Variants in ADGRV1 observed in about 807,000 individuals in gnomAD.
ADGRV1 encodes adhesion G protein-coupled receptor V1, also known as G-protein coupled receptor 98.
Under a neutral mutation model 596.2 loss-of-function variants are expected in ADGRV1, and 359 were observed. The observed-to-expected ratio is 0.60, with a 90% CI of 0.55 to 0.66. The LOEUF (loss-of-function observed/expected upper bound fraction) is 0.66, where lower values mean the gene tolerates loss of function less well. ADGRV1 is among the 30% of genes least tolerant of loss of function. The pLI is 0.00. For missense variants in ADGRV1, 7,274 were observed against 7,575.6 expected (o/e 0.96, Z 1.48); for synonymous variants, 2,681 against 2,679.2 (o/e 1.00, Z -0.02).
chr5:90,984,024 T>G (rs781119232), intron 84 of ADGRV1, among the ~76,000 whole-genome samples: 77 of 152,314 alleles, frequency 5.1e-4, no homozygotes, highest in Non-Finnish European at 8.7e-4. Flanking sequence ...ATAAGAGATT[T>G]AAGAAGAGGC....
intron 1 of ADGRV1, among the ~76,000 whole-genome samples, chr5:90,570,596 T>A (rs1037329599): frequency 6.6e-6 from 1 of 152,140 alleles, no homozygotes; most frequent in African/African-American, 2.4e-5. Flanking sequence ...TATAGGACTC[T>A]GAGGCTCTGT....
intron 76 of ADGRV1, among the ~76,000 whole-genome samples, chr5:90,828,430 T>C (rs1764245195): frequency 6.6e-6 from 1 of 151,994 alleles, no homozygotes; most frequent in South Asian, 2.1e-4. Flanking sequence ...GCTGTCAGGG[T>C]GTGGTAGTTA....
intron 86 of ADGRV1, among the ~76,000 whole-genome samples, chr5:91,074,896 T>C (rs530739744): frequency 6.6e-6 from 1 of 152,310 alleles, no homozygotes; most frequent in African/African-American, 2.4e-5. Context: ...TGGTATCTCA[T>C]TGTGGTTTTG....
chr5:90,751,789 G>A (rs1322139877), intron 53 of ADGRV1, among the ~76,000 whole-genome samples: 2 of 152,102 alleles, frequency 1.3e-5, no homozygotes, highest in Non-Finnish European at 2.9e-5. Flanking sequence ...TATTTCAAAC[G>A]TGATTGGAGC....
At chr5:90,869,456 G>T (rs545848176) in intron 83 of ADGRV1, among the ~76,000 whole-genome samples, 1 of 152,204 alleles carries the variant, frequency 6.6e-6, no homozygotes, top group Non-Finnish European at 1.5e-5. Context: ...TATTTTTAAG[G>T]ATTGATCTGG....
chr5:91,034,101 T>A (rs1426433513), intron 85 of ADGRV1, among the ~76,000 whole-genome samples: 2 of 152,284 alleles, frequency 1.3e-5, no homozygotes, highest in East Asian at 3.9e-4. Flanking sequence ...TACTAAATTT[T>A]AAAAAATTTA....
intron 41 of ADGRV1, among the ~76,000 whole-genome samples, chr5:90,711,822 G>A (rs954863461): frequency 1.3e-5 from 2 of 152,054 alleles, no homozygotes; most frequent in Non-Finnish European, 1.5e-5. Flanking sequence ...TCTCACTCAG[G>A]TTGGAGTGCA....
Position 90,756,491 on chromosome 5 carries a change from C to T in ADGRV1, c.11618C>T (p.Thr3873Ile), listed in dbSNP as rs1755845158. ...GAATTGGAGGAAGGATTTATTGTCA[C>T]TATCACTGAGGTGAACCTGGTGAAC... ...LPELEEGFIV[T>I]ITEVNLVNSD... The change falls in exon 56 of 90, where the codon ACT (threonine) becomes ATT (isoleucine). Residue 3873 changes from threonine to isoleucine, a missense_variant. Physicochemically the swap from Thr to Ile is moderately conservative, Grantham distance 89. Around this residue, in one of 5 missense-constraint regions of ADGRV1, gnomAD observed 3,643 missense variants for 3,809.2 expected, o/e 0.96. Coordinates refer to ENST00000405460, the MANE Select transcript of ADGRV1 (RefSeq NM_032119.4). 1 of 1,597,144 alleles carries T rather than the reference C, an allele frequency of 6.3e-7. No homozygotes were observed. Among genetic ancestry groups the T allele is most frequent in the Non-Finnish European group, 8.5e-7 (1 of 1,171,766 alleles).
chr5:90,918,811 C>T (rs1219375139), intron 83 of ADGRV1, among the ~76,000 whole-genome samples: 1 of 152,068 alleles, frequency 6.6e-6, no homozygotes, highest in African/African-American at 2.4e-5. Flanking sequence ...CCAAGGCCTC[C>T]CTCTCTTTAC....
intron 83 of ADGRV1, among the ~76,000 whole-genome samples, chr5:90,901,034 A>G (rs563521360): frequency 1.3e-5 from 2 of 152,150 alleles, no homozygotes; most frequent in South Asian, 2.1e-4. Flanking sequence ...AGTCTCCCTC[A>G]TTCTTAAAAA....
At position 90,855,852 on chromosome 5, in the gene ADGRV1, G is replaced by T. The variant is rs984013313; in HGVS notation, c.17706G>T (p.Leu5902Phe). The change falls in exon 82 of 90, where the codon TTG (leucine) becomes TTT (phenylalanine). Residue 5902 changes from leucine to phenylalanine, a missense_variant. Physicochemically the swap from Leu to Phe is conservative, Grantham distance 22. Coordinates refer to ENST00000405460, the MANE Select transcript of ADGRV1 (RefSeq NM_032119.4). ...VYAVYARTDN[L>F]SSYNEAFFTS... ...CTGTCTATGCTCGGACTGACAACTT[G>T]TCTTCATACAATGAAGCCTTCTTCA... The T allele has an allele frequency of 4.3e-6, 7 of 1,613,070 alleles. No homozygotes were observed. The Admixed American group carries it at 6.7e-5, about 15-fold the overall frequency.
At chr5:90,911,656 T>C (rs1346918094) in intron 83 of ADGRV1, among the ~76,000 whole-genome samples, 1 of 152,210 alleles carries the variant, frequency 6.6e-6, no homozygotes, top group East Asian at 1.9e-4. Flanking sequence ...GTGGTTTTAA[T>C]ACTATTGCAT....
intron 87 of ADGRV1, among the ~76,000 whole-genome samples, chr5:91,105,547 A>G (rs1261312159): frequency 6.6e-6 from 1 of 152,194 alleles, no homozygotes; most frequent in Non-Finnish European, 1.5e-5. Context: ...GTGAGATGAT[A>G]ATTCACTGTG....
chr5:90,824,982 G>C (rs1763950070), intron 76 of ADGRV1, among the ~76,000 whole-genome samples: 1 of 151,790 alleles, frequency 6.6e-6, no homozygotes, highest in African/African-American at 2.4e-5. Context: ...TGTTGTCCAG[G>C]CTGCAGTGCA....
chr5:90,950,045 G>A (rs1033969107), intron 83 of ADGRV1, among the ~76,000 whole-genome samples: 5 of 152,096 alleles, frequency 3.3e-5, no homozygotes, highest in African/African-American at 7.2e-5. Context: ...TCTGAATGTC[G>A]GAGAACTGGA....
At chr5:90,634,352 G>A (rs947560068) in intron 9 of ADGRV1, among the ~76,000 whole-genome samples, 1 of 152,150 alleles carries the variant, frequency 6.6e-6, no homozygotes, top group Admixed American at 6.5e-5. Context: ...CATGTATTGG[G>A]AAAATGCTGA....
At chr5:91,006,464 A>G (rs797021618) in intron 85 of ADGRV1, among the ~76,000 whole-genome samples, 33 of 152,344 alleles carry the variant, frequency 2.2e-4, no homozygotes, top group African/African-American at 7.7e-4. Context: ...ATTAGTTGTC[A>G]GACATACCTC....
At chr5:91,068,752 A>G (rs79908349) in intron 85 of ADGRV1, among the ~76,000 whole-genome samples, 1 of 152,216 alleles carries the variant, frequency 6.6e-6, no homozygotes, top group Admixed American at 6.5e-5. Context: ...TCAAACTACC[A>G]ACATCATTTT....
chr5:90,924,522 C>T (rs113810226), intron 83 of ADGRV1, among the ~76,000 whole-genome samples: 13,725 of 149,880 alleles, frequency 0.092, 847 homozygotes, highest in East Asian at 0.25. Context: ...ATTGTAGATT[C>T]TGGATATTAG....
Sources: gnomAD v4.1 joint callset for allele counts (sites outside exome capture counted in the v4.1 genomes callset) on GRCh38, gnomAD v4.1.1 for gene constraint, gnomAD v4.1.1 regional missense constraint, MANE v1.5 for transcripts, NCBI Gene and HGNC (gene_info 2026-07-23, HGNC 2026-07-21) for gene names.